Variants in TYR observed in about 807,000 individuals in gnomAD.
The protein encoded by TYR is LB24-AB.
TYR carries 58 observed loss-of-function variants against 51.5 expected under a neutral mutation model. That is an observed-to-expected ratio of 1.13 (90% CI 0.91 to 1.40). TYR has a LOEUF of 1.40. Among genes scored for constraint, TYR ranks in the 40% most tolerant of loss-of-function variants. The pLI is 0.00. For missense variants in TYR, 732 were observed against 647.4 expected, an observed-to-expected ratio of 1.13 and a Z score of -1.42; for synonymous variants, 263 against 235.2, an observed-to-expected ratio of 1.12 and a Z score of -1.08.
chr11:89,257,988 A>T (rs528689771), intron 3 of TYR, among the ~76,000 whole-genome samples: 1 of 152,152 alleles, frequency 6.6e-6, no homozygotes, highest in African/African-American at 2.4e-5. Flanking sequence ...GATTTTTTTA[A>T]AAAAATCATG....
chr11:89,221,303 T>C (rs1165116491), intron 2 of TYR, among the ~76,000 whole-genome samples: 1 of 152,194 alleles, frequency 6.6e-6, no homozygotes, highest in African/African-American at 2.4e-5. Context: ...AATAATTACA[T>C]AGTATGAAAC....
intron 3 of TYR, among the ~76,000 whole-genome samples, chr11:89,235,580 G>C (rs779217091): frequency 2.0e-5 from 3 of 152,100 alleles, no homozygotes; most frequent in Non-Finnish European, 4.4e-5. Context: ...AGAAAGACAA[G>C]TAACCACATA....
intron 3 of TYR, among the ~76,000 whole-genome samples, chr11:89,228,982 G>A (rs1944008953): frequency 6.6e-6 from 1 of 151,734 alleles, no homozygotes; most frequent in Admixed American, 6.6e-5. Context: ...TGAATAAAGG[G>A]CACAGATTTA....
chr11:89,197,599 T>C (rs987741675), intron 2 of TYR, among the ~76,000 whole-genome samples: 5 of 152,104 alleles, frequency 3.3e-5, no homozygotes, highest in Non-Finnish European at 5.9e-5. Context: ...AAAGATATGA[T>C]GTTAGTGGCA....
chr11:89,265,088 C>A (rs1397031410), intron 3 of TYR, among the ~76,000 whole-genome samples: 3 of 152,096 alleles, frequency 2.0e-5, no homozygotes, highest in Middle Eastern at 3.4e-3. Context: ...TACCTAATAA[C>A]AACTTCTAAA....
At chr11:89,195,383 AAG>A (rs1943502712) in intron 2 of TYR, among the ~76,000 whole-genome samples, 1 of 152,146 alleles carries the variant, frequency 6.6e-6, no homozygotes, top group Non-Finnish European at 1.5e-5. Context: ...TGAATTGTGT[AAG>A]AGAGACCACA....
intron 3 of TYR, among the ~76,000 whole-genome samples, chr11:89,234,842 CT>C (rs1204344100): frequency 1.3e-5 from 2 of 152,044 alleles, no homozygotes; most frequent in African/African-American, 4.8e-5. Flanking sequence ...TAATTTAAAA[CT>C]TTGTAATATT....
At position 89,205,526 on chromosome 11, in the gene TYR, GA is replaced by G. The variant is rs1050251473; in HGVS notation, c.1036+14115del. Among the ~76,000 whole-genome samples, 10 of 152,074 alleles carry G rather than the reference GA, an allele frequency of 6.6e-5. No homozygotes were observed. The East Asian group carries it at 1.7e-3, about 26-fold the overall frequency. On this transcript the variant is annotated intron_variant, in intron 2 of 4. Transcript: ENST00000263321. ...AATTAATTATATCTTATCTATTGTG[GA>G]AAAAAATGAATGACAGATCTTTCCT...
intron 3 of TYR, among the ~76,000 whole-genome samples, chr11:89,283,591 C>A (rs1410943342): frequency 1.3e-5 from 2 of 151,718 alleles, no homozygotes; most frequent in Non-Finnish European, 2.9e-5. Flanking sequence ...GGCTAATTCT[C>A]CAAGTTCAGT....
chr11:89,287,829 A>C (rs1944808425), intron 4 of TYR, among the ~76,000 whole-genome samples: 1 of 152,010 alleles, frequency 6.6e-6, no homozygotes, highest in African/African-American at 2.4e-5. Flanking sequence ...TAAGAGTCTG[A>C]GGAAGAGGTA....
At chr11:89,273,561 T>TA (rs1213145680) in intron 3 of TYR, among the ~76,000 whole-genome samples, 1 of 151,836 alleles carries the variant, frequency 6.6e-6, no homozygotes, top group Non-Finnish European at 1.5e-5. Flanking sequence ...TTGTGAGAAT[T>TA]ATCAGACTGT....
chr11:89,186,828 G>C (rs1003695994), intron 1 of TYR, among the ~76,000 whole-genome samples: 7 of 152,122 alleles, frequency 4.6e-5, no homozygotes, highest in African/African-American at 7.2e-5. Context: ...TTAACAGTGG[G>C]GTCCTAATCC....
At chr11:89,189,093 TA>T (rs1432704395) in intron 1 of TYR, among the ~76,000 whole-genome samples, 1 of 152,184 alleles carries the variant, frequency 6.6e-6, no homozygotes, top group Admixed American at 6.6e-5. Context: ...AAAAATTTTT[TA>T]ATGTTGAGTT....
chr11:89,178,041 C>A lies in TYR; in HGVS notation c.88C>A (p.Leu30Met). 1.2e-6 allele frequency: 2 copies of A among 1,614,202 alleles called. No homozygotes were observed. The highest frequency in any genetic ancestry group is 8.5e-7 in the Non-Finnish European group (1 of 1,180,028). The change falls in exon 1 of 5, where the codon CTG (leucine) becomes ATG (methionine). Residue 30 changes from leucine (L) to methionine (M), a missense_variant. By Grantham distance (15) the Leu-to-Met change is conservative. Transcript: ENST00000263321. ...FPRACVSSKNLMEKECCPPWS... is the reference protein window; with the variant it reads ...FPRACVSSKNMMEKECCPPWS... Reference sequence around the variant, plus strand: ...TAGAGCCTGTGTCTCCTCTAAGAACCTGATGGAGAAGGAATGCTGTCCACC... The same window carrying A: ...TAGAGCCTGTGTCTCCTCTAAGAACATGATGGAGAAGGAATGCTGTCCACC...
Position 89,178,324 on chromosome 11 carries a change from T to C in TYR, c.371T>C (p.Phe124Ser). ...ERRLLVRRNI[F>S]DLSAPEKDKF... ...CGACTCTTGGTGAGAAGAAACATCTTCGATTTGAGTGCCCCAGAGAAGGAC... is the reference window on the plus strand; with the variant it reads ...CGACTCTTGGTGAGAAGAAACATCTCCGATTTGAGTGCCCCAGAGAAGGAC... The change falls in exon 1 of 5, where the codon TTC becomes TCC. Residue 124 changes from phenylalanine to serine, a missense_variant. Coordinates refer to ENST00000263321, the MANE Select transcript of TYR (RefSeq NM_000372.5). 1 of 1,614,184 alleles carries C rather than the reference T, an allele frequency of 6.2e-7. No individual in the cohort carries two copies. Among genetic ancestry groups the C allele is most frequent in the South Asian group, 1.1e-5 (1 of 91,088 alleles).
At chr11:89,180,824 C>A (rs1463688881) in intron 1 of TYR, among the ~76,000 whole-genome samples, 1 of 152,154 alleles carries the variant, frequency 6.6e-6, no homozygotes, top group Non-Finnish European at 1.5e-5. Flanking sequence ...CTCACATTGG[C>A]TGTTTCCATT....
intron 2 of TYR, among the ~76,000 whole-genome samples, chr11:89,223,878 C>T (rs571849380): frequency 1.7e-4 from 26 of 150,766 alleles, no homozygotes; most frequent in East Asian, 3.9e-4. Flanking sequence ...CAATGTATTC[C>T]GACAAATTCC....
At chr11:89,193,222 T>A (rs2135254819) in intron 2 of TYR, among the ~76,000 whole-genome samples, 1 of 152,252 alleles carries the variant, frequency 6.6e-6, no homozygotes, top group South Asian at 2.1e-4. Context: ...TGGAGCATTT[T>A]GCTGTTTTTT....
At chr11:89,213,494 T>C (rs999453497) in intron 2 of TYR, among the ~76,000 whole-genome samples, 3 of 152,136 alleles carry the variant, frequency 2.0e-5, no homozygotes, top group African/African-American at 7.2e-5. Context: ...ATCAATATTG[T>C]GAAAATGGTC....
Sources: gnomAD v4.1 joint callset for allele counts (sites outside exome capture counted in the v4.1 genomes callset) on GRCh38, gnomAD v4.1.1 for gene constraint, MANE v1.5 for transcripts, NCBI Gene and HGNC (gene_info 2026-07-23, HGNC 2026-07-21) for gene names.